LRRIQ3: variants seen among roughly 807,000 people sequenced by gnomAD.
LRRIQ3 encodes leucine rich repeats and IQ motif containing 3, also known as leucine-rich repeat and IQ domain-containing protein 3.
Under a neutral mutation model 59.3 loss-of-function variants are expected in LRRIQ3, and 75 were observed. The ratio of observed to expected loss-of-function variants is 1.26; its 90% CI spans 1.05 to 1.53. The LOEUF (loss-of-function observed/expected upper bound fraction) is 1.53, where lower values mean the gene tolerates loss of function less well. LRRIQ3 is among the 40% of genes most tolerant of loss of function. The pLI is 0.00. For synonymous variants in LRRIQ3, 250 were observed against 231.3 expected (o/e 1.08, Z -0.73); for missense variants, 831 against 710.0 (o/e 1.17, Z -1.94).
intron 3 of LRRIQ3, among the ~76,000 whole-genome samples, chr1:74,174,024 A>C (rs1249249855): frequency 1.3e-5 from 2 of 151,908 alleles, no homozygotes; most frequent in Non-Finnish European, 2.9e-5. Context: ...CTACGTGCAG[A>C]TTTTTGGGCT....
intron 6 of LRRIQ3, among the ~76,000 whole-genome samples, chr1:74,049,501 G>A (rs572649220): frequency 2.4e-4 from 36 of 152,240 alleles, no homozygotes; most frequent in African/African-American, 8.7e-4. Flanking sequence ...TGTTTTACAA[G>A]TATAGTCAGA....
rs371110329 is a variant in LRRIQ3, at chr1:74,123,449, C to T, written c.708-13896G>A. Reference sequence around the variant, plus strand: ...CCATTAACTGTCCCCATTCCACCCACCCTACTACCCTTCCCAGCTTCTGGT... The same window carrying T: ...CCATTAACTGTCCCCATTCCACCCATCCTACTACCCTTCCCAGCTTCTGGT... On this transcript the variant is annotated intron_variant, in intron 4 of 7. Coordinates refer to ENST00000354431, the MANE Select transcript of LRRIQ3 (RefSeq NM_001105659.2). Among the ~76,000 whole-genome samples, 22 of 152,050 alleles carry T rather than the reference C, an allele frequency of 1.4e-4. No homozygotes were observed. In the South Asian group the frequency reaches 3.9e-3, roughly 27 times the overall value.
rs1048156340 is a variant in LRRIQ3 at position 74,181,109 on chromosome 1, G to C, written c.573+1429C>G. 1.7e-4 allele frequency: 44 copies of C among 258,246 alleles called. No individual in the cohort carries two copies. In the Admixed American group the frequency reaches 1.9e-3, roughly 11 times the overall value. The allele number at this position is 258,246 out of a possible 1,614,324, so 16.0% of individuals were successfully genotyped here. On this transcript the variant is annotated intron_variant, in intron 3 of 7. Coordinates refer to ENST00000354431, the MANE Select transcript of LRRIQ3 (RefSeq NM_001105659.2). ...GGTACTCAGTATATACTTGGTGAAAGAATGAAGAAATAAAATGTATAAAGC... is the reference window on the plus strand; with the variant it reads ...GGTACTCAGTATATACTTGGTGAAACAATGAAGAAATAAAATGTATAAAGC...
intron 5 of LRRIQ3, among the ~76,000 whole-genome samples, chr1:74,107,194 A>G (rs1019613872): frequency 6.6e-6 from 1 of 152,058 alleles, no homozygotes; most frequent in African/African-American, 2.4e-5. Context: ...TAAGTCAAGC[A>G]CGTTTTATTC....
intron 4 of LRRIQ3, among the ~76,000 whole-genome samples, chr1:74,148,402 C>G (rs1336131281): frequency 6.6e-6 from 1 of 152,198 alleles, no homozygotes; most frequent in Admixed American, 6.5e-5. Flanking sequence ...GTGACAGAGA[C>G]ACCAGTCAGG....
intron 5 of LRRIQ3, among the ~76,000 whole-genome samples, chr1:74,079,676 T>G (rs1486569378): frequency 6.6e-6 from 1 of 151,820 alleles, no homozygotes; most frequent in African/African-American, 2.4e-5. Flanking sequence ...GAATGTTCTC[T>G]GACACTCAAT....
chr1:74,191,999 C>G (rs1303804150), intron 1 of LRRIQ3, among the ~76,000 whole-genome samples: 1 of 151,986 alleles, frequency 6.6e-6, no homozygotes, highest in Non-Finnish European at 1.5e-5. Context: ...TTATCATCAT[C>G]TCATTCCAGA....
intron 6 of LRRIQ3, among the ~76,000 whole-genome samples, chr1:74,059,398 TTTAAAG>T (rs1293849220): frequency 6.6e-6 from 1 of 151,344 alleles, no homozygotes; most frequent in Non-Finnish European, 1.5e-5. Flanking sequence ...CTATGATCCA[TTTAAAG>T]TTAATTTTTG....
At chr1:74,111,166 G>A (rs1343864061) in intron 4 of LRRIQ3, among the ~76,000 whole-genome samples, 1 of 151,780 alleles carries the variant, frequency 6.6e-6, no homozygotes, top group Non-Finnish European at 1.5e-5. Flanking sequence ...AAAGGGAAAA[G>A]TAGTCTTCTG....
rs777228808 is a variant in LRRIQ3, at chr1:74,026,890, G to A, written c.1798C>T (p.Leu600Phe). 6.2e-7 allele frequency: 1 copy of A among 1,606,410 alleles called. No homozygotes were observed. Among genetic ancestry groups the A allele is most frequent in the Admixed American group, 1.7e-5 (1 of 59,140 alleles). Residue 600 changes from leucine to phenylalanine, a missense_variant, in exon 8 of 8, where the codon CTT becomes TTT. By Grantham distance (22) the Leu-to-Phe change is conservative. Transcript: ENST00000354431. ...MIAFEKACER[L>F]QDAKTKVAIV... ...GCTACTTTTGTTTTAGCATCTTGAA[G>A]TCTTTCACAGGCTTTTTCAAAGGCA...
At chr1:74,110,534 C>CA (rs1300859597) in intron 4 of LRRIQ3, among the ~76,000 whole-genome samples, 1 of 151,880 alleles carries the variant, frequency 6.6e-6, no homozygotes, top group Non-Finnish European at 1.5e-5. Context: ...GAAACCACAT[C>CA]AATATCACGG....
intron 4 of LRRIQ3, among the ~76,000 whole-genome samples, chr1:74,110,102 C>G (rs1379806123): frequency 6.6e-6 from 1 of 151,728 alleles, no homozygotes; most frequent in Non-Finnish European, 1.5e-5. Context: ...TAATACTATG[C>G]TTTATTTAAC....
intron 3 of LRRIQ3, among the ~76,000 whole-genome samples, chr1:74,166,289 G>GT (rs1463261149): frequency 3.9e-4 from 59 of 150,802 alleles, no homozygotes; most frequent in African/African-American, 1.4e-3. Flanking sequence ...TTTGTAGTTT[G>GT]TGTTTTTTTT....
At chr1:74,145,233 T>A (rs1570203344) in intron 4 of LRRIQ3, among the ~76,000 whole-genome samples, 1 of 152,146 alleles carries the variant, frequency 6.6e-6, no homozygotes, top group Non-Finnish European at 1.5e-5. Flanking sequence ...TTTTTACTTG[T>A]CAGGGACAAT....
chr1:74,026,907 T>G lies in LRRIQ3; in HGVS notation c.1781A>C (p.Glu594Ala). 6.2e-7 allele frequency: 1 copy of G among 1,602,142 alleles called. No individual in the cohort carries two copies. The highest frequency in any genetic ancestry group is 8.5e-7 in the Non-Finnish European group (1 of 1,172,264). Residue 594 changes from glutamate to alanine, a missense_variant, in exon 8 of 8, where the codon GAA becomes GCA. Glu to Ala is a moderately radical substitution (Grantham distance 107). Transcript: ENST00000354431. ...ATCTTGAAGTCTTTCACAGGCTTTT[T>G]CAAAGGCAATCATATCCATAACAAA... ...EKFVMDMIAFEKACERLQDAK... is the reference protein window; with the variant it reads ...EKFVMDMIAFAKACERLQDAK...
intron 4 of LRRIQ3, among the ~76,000 whole-genome samples, chr1:74,150,620 C>A (rs1449998301): frequency 6.6e-6 from 1 of 152,148 alleles, no homozygotes; most frequent in Non-Finnish European, 1.5e-5. Context: ...ATAGCCCTAG[C>A]ATTTAGATGG....
intron 3 of LRRIQ3, among the ~76,000 whole-genome samples, chr1:74,166,521 C>T (rs1446708333): frequency 6.6e-6 from 1 of 151,636 alleles, no homozygotes; most frequent in Admixed American, 6.6e-5. Context: ...TTCTCAACTT[C>T]TTTGGTTTTT....
chr1:74,184,139 T>C (rs1650200073), intron 1 of LRRIQ3, among the ~76,000 whole-genome samples: 1 of 152,006 alleles, frequency 6.6e-6, no homozygotes, highest in Non-Finnish European at 1.5e-5. Context: ...GGCTAAACAA[T>C]GCAGCCAGAT....
At chr1:74,159,290 T>C (rs1334926296) in intron 3 of LRRIQ3, among the ~76,000 whole-genome samples, 24 of 152,158 alleles carry the variant, frequency 1.6e-4, no homozygotes, top group Non-Finnish European at 4.4e-5. Flanking sequence ...AAATTATTCT[T>C]TAATGCAATC....
Sources: allele counts gnomAD v4.1 joint callset (sites outside exome capture counted in the v4.1 genomes callset), GRCh38; gene constraint gnomAD v4.1.1; transcripts MANE v1.5; gene names NCBI Gene and HGNC (gene_info 2026-07-23, HGNC 2026-07-21).